Variants in DAB2IP observed in about 807,000 individuals in gnomAD.
The protein encoded by DAB2IP is disabled homolog 2-interacting protein.
Under a neutral mutation model 107.2 loss-of-function variants are expected in DAB2IP, and 28 were observed. The observed-to-expected ratio is 0.26, with a 90% CI of 0.19 to 0.36. The LOEUF (loss-of-function observed/expected upper bound fraction) is 0.36. DAB2IP is among the 10% of genes least tolerant of loss of function. DAB2IP has a pLI of 1.00. For missense variants in DAB2IP, 1,400 were observed against 1,644.7 expected, an observed-to-expected ratio of 0.85 and a Z score of 2.57; for synonymous variants, 755 against 706.4, an observed-to-expected ratio of 1.07 and a Z score of -1.09.
rs879786786 is a variant in DAB2IP at position 121,776,757 on chromosome 9, A to G, written c.3314+366A>G. Among the ~76,000 whole-genome samples, 4 of 152,108 alleles carry G rather than the reference A, an allele frequency of 2.6e-5. No individual in the cohort carries two copies. The highest frequency in any genetic ancestry group is 4.4e-5 in the Non-Finnish European group (3 of 68,002). On this transcript the variant is annotated intron_variant, in intron 14 of 15. Transcript: ENST00000408936. This position sits in a 1 kb window ranked among gnomAD's most constrained non-coding sequence, Gnocchi z 5.4. Reference sequence around the variant, plus strand: ...GGGAGGACCCCAATACAGGGTAAGAAAAGTGGGAATGAGTCTCAGTTACGT... The same window carrying G: ...GGGAGGACCCCAATACAGGGTAAGAGAAGTGGGAATGAGTCTCAGTTACGT...
In DAB2IP at chr9:121,776,009, G is replaced by A. The variant is rs1835173637; in HGVS notation, c.3121-189G>A. ...GTGGAGGCCCCACGGTGGGGCACAG[G>A]CACGCGTCTGGCTGCAGCCCCCACC... is the stretch of plus-strand genomic sequence containing the variant. On this transcript the variant is annotated intron_variant, in intron 13 of 15. Transcript: ENST00000408936. This position sits in a 1 kb window ranked among gnomAD's most constrained non-coding sequence, Gnocchi z 5.4. Among the ~76,000 whole-genome samples, 1 of 152,186 alleles carries A rather than the reference G, an allele frequency of 6.6e-6. No individual in the cohort carries two copies. Among genetic ancestry groups the A allele is most frequent in the Admixed American group, 6.5e-5 (1 of 15,288 alleles).
At position 121,702,692 on chromosome 9, in the gene DAB2IP, G is replaced by T. The variant is rs965936600; in HGVS notation, c.362+3234G>T. On this transcript the variant is annotated intron_variant, in intron 3 of 15. Coordinates refer to ENST00000408936, the Ensembl canonical transcript of DAB2IP. The surrounding 1 kb of genome is among the most constrained non-coding windows in gnomAD (Gnocchi z 4.5). Reference sequence around the variant, plus strand: ...GGGCTGTTTTAATGTTGGTAAAAGTGATATAGAGGATGTGGTTCTGTCAGC... The same window carrying T: ...GGGCTGTTTTAATGTTGGTAAAAGTTATATAGAGGATGTGGTTCTGTCAGC... Among the ~76,000 whole-genome samples, 1 of 152,186 alleles carries T rather than the reference G, an allele frequency of 6.6e-6. No homozygotes were observed. Among genetic ancestry groups the T allele is most frequent in the Non-Finnish European group, 1.5e-5 (1 of 68,032 alleles).
Position 121,772,062 on chromosome 9 carries a change from T to C in DAB2IP, c.2079-545T>C, listed in dbSNP as rs1182749463. On this transcript the variant is annotated intron_variant, in intron 11 of 15. Coordinates refer to ENST00000408936, the Ensembl canonical transcript of DAB2IP. The surrounding 1 kb of genome is among the most constrained non-coding windows in gnomAD (Gnocchi z 4.7). ...CCACAGAGCCTGCTCTCATTCCTTGTTTTTGCCAGGAACTCCAGCCCCCGC... is the reference window on the plus strand; with the variant it reads ...CCACAGAGCCTGCTCTCATTCCTTGCTTTTGCCAGGAACTCCAGCCCCCGC... 6.6e-6 allele frequency among the ~76,000 whole-genome samples: 1 copy of C among 152,106 alleles called. No individual in the cohort carries two copies. The highest frequency in any genetic ancestry group is 1.5e-5 in the Non-Finnish European group (1 of 68,014).
At chr9:121,677,987 C>T (rs534094945) in intron 1 of DAB2IP, among the ~76,000 whole-genome samples, 38 of 152,092 alleles carry the variant, frequency 2.5e-4, no homozygotes, top group African/African-American at 8.4e-4. Context: ...TAAAAAATTG[C>T]GATAAAATAT....
intron 3 of DAB2IP, among the ~76,000 whole-genome samples, chr9:121,732,655 C>T (rs150259947): frequency 1.5e-4 from 23 of 152,246 alleles, no homozygotes; most frequent in Non-Finnish European, 2.8e-4. Context: ...GAACAGCGAG[C>T]AGAGGCTCTG....
chr9:121,732,665 G>A (rs926023696), intron 3 of DAB2IP, among the ~76,000 whole-genome samples: 1 of 152,188 alleles, frequency 6.6e-6, no homozygotes, highest in Non-Finnish European at 1.5e-5. Context: ...CAGAGGCTCT[G>A]AAGTGTTGAA....
At chr9:121,606,214 A>G (rs1830865785) in intron 1 of DAB2IP, among the ~76,000 whole-genome samples, 1 of 152,056 alleles carries the variant, frequency 6.6e-6, no homozygotes, top group African/African-American at 2.4e-5. Flanking sequence ...AAAGAAAGAA[A>G]TTAGCCAGGT....
In DAB2IP at chr9:121,634,461, C is replaced by T. The variant is rs1832007292; in HGVS notation, c.41-44217C>T. Among the ~76,000 whole-genome samples, 1 of 152,174 alleles carries T rather than the reference C, an allele frequency of 6.6e-6. No homozygotes were observed. The highest frequency in any genetic ancestry group is 2.1e-4 in the South Asian group (1 of 4,822). On this transcript the variant is annotated intron_variant, in intron 1 of 16. Coordinates refer to the DAB2IP transcript ENST00000259371. This position sits in a 1 kb window ranked among gnomAD's most constrained non-coding sequence, Gnocchi z 4.7. ...GCCACCCTTAGTGTACACAGGAGCC[C>T]CACCCTGAGCCACTGTGGCCCCAGG...
intron 3 of DAB2IP, among the ~76,000 whole-genome samples, chr9:121,715,890 C>T (rs569359754): frequency 1.1e-4 from 17 of 152,300 alleles, no homozygotes; most frequent in African/African-American, 3.9e-4. Flanking sequence ...GTAAACTTCC[C>T]AAGGTTTCAG....
intron 1 of DAB2IP, among the ~76,000 whole-genome samples, chr9:121,676,805 GA>G (rs1465761344): frequency 6.6e-6 from 1 of 152,234 alleles, no homozygotes; most frequent in African/African-American, 2.4e-5. Context: ...CCAGGCTGGG[GA>G]AGGGGAGCAG....
chr9:121,709,922 C>T (rs2118773731), intron 3 of DAB2IP, among the ~76,000 whole-genome samples: 1 of 152,324 alleles, frequency 6.6e-6, no homozygotes, highest in Non-Finnish European at 1.5e-5. Flanking sequence ...TATTAGCTGA[C>T]ATGGCTGGGC....
chr9:121,641,376 G>A (rs1408328107), intron 1 of DAB2IP, among the ~76,000 whole-genome samples: 2 of 152,210 alleles, frequency 1.3e-5, no homozygotes, highest in African/African-American at 4.8e-5. Context: ...GCCAGTAAAT[G>A]TGAGAACCGT....
intron 14 of DAB2IP, among the ~76,000 whole-genome samples, chr9:121,781,101 C>G (rs899341862): frequency 6.6e-6 from 1 of 152,206 alleles, no homozygotes; most frequent in African/African-American, 2.4e-5. Flanking sequence ...AGTTCTAGAG[C>G]CTTTCAGGGC....
intron 1 of DAB2IP, among the ~76,000 whole-genome samples, chr9:121,676,071 T>C (rs1448064182): frequency 2.0e-5 from 3 of 152,192 alleles, no homozygotes; most frequent in Admixed American, 1.3e-4. Context: ...AAGGGAGCTT[T>C]TCTGGAAGAG....
At chr9:121,593,510 G>A (rs914322118) in intron 1 of DAB2IP, among the ~76,000 whole-genome samples, 1 of 151,912 alleles carries the variant, frequency 6.6e-6, no homozygotes, top group Non-Finnish European at 1.5e-5. Context: ...GGGCTCAAGC[G>A]ATCCTCCTGT....
intron 3 of DAB2IP, among the ~76,000 whole-genome samples, chr9:121,719,252 C>T (rs764783762): frequency 1.3e-5 from 2 of 152,172 alleles, no homozygotes; most frequent in Non-Finnish European, 2.9e-5. Context: ...CCCAAGGACA[C>T]GTAAGAAGTT....
rs956921864 is a variant in DAB2IP, at chr9:121,701,124, C to T, written c.362+1666C>T. 1.3e-5 allele frequency among the ~76,000 whole-genome samples: 2 copies of T among 152,230 alleles called. No individual in the cohort carries two copies. The highest frequency in any genetic ancestry group is 2.9e-5 in the Non-Finnish European group (2 of 68,040). ...CATGCGGGGGCTTGTGTACGTACCC[C>T]GTTTTGTGTGCATGTGGTGGTTGTC... is the stretch of plus-strand genomic sequence containing the variant. On this transcript the variant is annotated intron_variant, in intron 3 of 15. Coordinates refer to ENST00000408936, the Ensembl canonical transcript of DAB2IP. The surrounding 1 kb of genome is among the most constrained non-coding windows in gnomAD (Gnocchi z 4.7).
intron 3 of DAB2IP, among the ~76,000 whole-genome samples, chr9:121,738,027 C>T (rs1832051256): frequency 1.3e-5 from 2 of 151,888 alleles, no homozygotes; most frequent in African/African-American, 4.8e-5. Flanking sequence ...CCTCCTGGAG[C>T]TTCCAACCTG....
At chr9:121,694,095 C>T (rs1448595689) in intron 2 of DAB2IP, among the ~76,000 whole-genome samples, 4 of 152,130 alleles carry the variant, frequency 2.6e-5, no homozygotes, top group Admixed American at 6.5e-5. Context: ...AGGGAGTGAG[C>T]GGGCCTCCCT....
Sources: gnomAD v4.1 joint callset for allele counts (sites outside exome capture counted in the v4.1 genomes callset) on GRCh38, gnomAD v4.1.1 for gene constraint, Gnocchi (gnomAD v3.1) non-coding constraint, MANE v1.5 for transcripts, NCBI Gene and HGNC (gene_info 2026-07-23, HGNC 2026-07-21) for gene names.